The following ALOX15 variants were observed in gnomAD, a reference collection of about 807,000 sequenced individuals.
ALOX15 encodes polyunsaturated fatty acid lipoxygenase ALOX15.
Under a neutral mutation model 71.7 loss-of-function variants are expected in ALOX15, and 68 were observed. That is an observed-to-expected ratio of 0.95 (90% CI 0.78 to 1.16). ALOX15 has a LOEUF of 1.16. ALOX15 is among the 50% of genes most tolerant of loss of function. The pLI is 0.00. For missense variants in ALOX15, 798 were observed against 818.8 expected (o/e 0.97, Z 0.31); for synonymous variants, 346 against 333.3 (o/e 1.04, Z -0.42).
In ALOX15 at chr17:4,633,312, T is replaced by C. The variant is rs757419997; in HGVS notation, c.1252A>G (p.Met418Val). Residue 418 changes from methionine to valine, a missense_variant, in exon 10 of 14, where the codon ATG becomes GTG. Coordinates refer to ENST00000293761, the MANE Select transcript of ALOX15 (RefSeq NM_001140.5). ...ACGTGGCCTCCCCCACCAGTGCTCATTATCTGAGAAGTGAGGGTGAGCAGG... is the reference window on the plus strand; with the variant it reads ...ACGTGGCCTCCCCCACCAGTGCTCACTATCTGAGAAGTGAGGGTGAGCAGG... ...VSDMGIFDQI[M>V]STGGGGHVQL... 7.4e-6 allele frequency: 12 copies of C among 1,613,370 alleles called. No individual in the cohort carries two copies. The Admixed American group carries it at 1.7e-4, about 22-fold the overall frequency.
rs773112523 is a variant in ALOX15, at chr17:4,639,560, G to A, written c.207C>T (p.His69=). 32 of 1,614,010 alleles carry A rather than the reference G, an allele frequency of 2.0e-5. No homozygotes were observed. Among genetic ancestry groups the A allele is most frequent in the Non-Finnish European group, 2.5e-5 (29 of 1,180,034 alleles). Residue 69 remains histidine (H), a synonymous_variant, in exon 2 of 14, where the codon CAC becomes CAT. Transcript: ENST00000293761. The part of the protein sequence containing the change: ...PLLFVKLRKR[H]LLKDDAWFCN... Reference sequence around the variant, plus strand: ...AGAACCAGGCGTCGTCCTTAAGGAGGTGCCGTTTGCGCAGTTTCACAAACA... The same window carrying A: ...AGAACCAGGCGTCGTCCTTAAGGAGATGCCGTTTGCGCAGTTTCACAAACA...
chr17:4,633,249 T>C lies in ALOX15; in HGVS notation c.1315A>G (p.Ser439Gly). Reference sequence around the variant, plus strand: ...AAGTCATCAGGGGGACAGAAGGAGCTGTAGGTTAGGAAGGCTCCAGCTTGC... The same window carrying C: ...AAGTCATCAGGGGGACAGAAGGAGCCGTAGGTTAGGAAGGCTCCAGCTTGC... ...LKQAGAFLTYSSFCPPDDLAD... is the reference protein window; with the variant it reads ...LKQAGAFLTYGSFCPPDDLAD... The change falls in exon 10 of 14, where the codon AGC (serine) becomes GGC (glycine). Residue 439 changes from serine (S) to glycine (G), a missense_variant. Ser to Gly is a moderately conservative substitution (Grantham distance 56, BLOSUM62 0). Transcript: ENST00000293761. 1 of 1,614,176 alleles carries C rather than the reference T, an allele frequency of 6.2e-7. No homozygotes were observed. The highest frequency in any genetic ancestry group is 8.5e-7 in the Non-Finnish European group (1 of 1,180,018).
rs767380104 is a variant in ALOX15 at position 4,633,138 on chromosome 17, T to A, written c.1418+8A>T. On this transcript the variant is annotated splice_region_variant and intron_variant, in intron 10 of 13. Transcript: ENST00000293761. ...TTGCACCCCCACTGGCCTTCCCGCT[T>A]GCCTCACCGATAGATGATTTCCCAG... 7.3e-5 allele frequency: 117 copies of A among 1,612,958 alleles called. No homozygotes were observed. Among genetic ancestry groups the A allele is most frequent in the Non-Finnish European group, 5.7e-5 (67 of 1,179,310 alleles).
Position 4,637,207 on chromosome 17 carries a change from T to C in ALOX15, c.859A>G (p.Asn287Asp). 1 of 1,614,024 alleles carries C rather than the reference T, an allele frequency of 6.2e-7. No individual in the cohort carries two copies. Among genetic ancestry groups the C allele is most frequent in the African/African-American group, 1.3e-5 (1 of 75,050 alleles). ...DFSLLDGIKA[N>D]VILCSQQHLA... is the part of the protein sequence containing the mutation. ...TGCTGCTGGCTACAGAGAATGACGT[T>C]GGCCTTGATCCCATCCAGCAGGGAG... The change falls in exon 7 of 14, where the codon AAC (asparagine) becomes GAC (aspartate). Residue 287 changes from asparagine (N) to aspartate (D), a missense_variant. This residue lies in a region of ALOX15 where 490 missense variants were observed against 509.4 expected (regional missense o/e 0.96). Transcript: ENST00000293761.
rs777173779 is a variant in ALOX15 at position 4,632,040 on chromosome 17, C to T, written c.1658G>A (p.Trp553Ter). 6.2e-7 allele frequency: 1 copy of T among 1,611,916 alleles called. No individual in the cohort carries two copies. The highest frequency in any genetic ancestry group is 1.7e-5 in the Admixed American group (1 of 59,892). Reference protein sequence around the residue: ...VHLGQLDWYSWVPNAPCTMRL... With the variant: ...VHLGQLDWYS ...CATCGTGCAGGGTGCATTAGGCACCCAAGAGTACCAGTCCAGCTAAGGAAG... is the reference window on the plus strand; with the variant it reads ...CATCGTGCAGGGTGCATTAGGCACCTAAGAGTACCAGTCCAGCTAAGGAAG... The change falls in exon 13 of 14, where the codon TGG becomes TAG. Residue 553 changes from tryptophan (W) to a stop codon, truncating the protein, a stop_gained. Coordinates refer to ENST00000293761, the MANE Select transcript of ALOX15 (RefSeq NM_001140.5). LOFTEE classifies it high-confidence loss of function.
chr17:4,639,176 G>T, intron 2 of ALOX15, 44 bp from the exon 3 acceptor site: 2 of 1,606,408 alleles, frequency 1.2e-6, no homozygotes, highest in Non-Finnish European at 1.7e-6. Context: ...TTTGGTGAGC[G>T]CCTCTTCTTG....
chr17:4,638,770 A>G (rs1235102643), intron 4 of ALOX15, 80 bp downstream of exon 4: 1 of 1,612,922 alleles, frequency 6.2e-7, no homozygotes, highest in Non-Finnish European at 8.5e-7. Flanking sequence ...GGGCCAGTCC[A>G]ATGCAGTGCA....
Position 4,639,044 on chromosome 17 carries a change from G to T in ALOX15, c.419+7C>A. On this transcript the variant is annotated splice_region_variant and intron_variant, in intron 3 of 13. Coordinates refer to ENST00000293761, the MANE Select transcript of ALOX15 (RefSeq NM_001140.5). ...AGCTCACGTGGGGTCAGGGGAGGAG[G>T]GCTCACCGGTACAACTTCCTTCTCT... 6.2e-7 allele frequency: 1 copy of T among 1,614,174 alleles called. No homozygotes were observed. Among genetic ancestry groups the T allele is most frequent in the Middle Eastern group, 1.6e-4 (1 of 6,062 alleles).
chr17:4,631,253 T>G lies in ALOX15; in HGVS notation c.*347A>C, dbSNP rs1597428274. The G allele has an allele frequency of 6.5e-5, 14 of 216,538 alleles. No homozygotes were observed. In the South Asian group the frequency reaches 1.5e-3, roughly 23 times the overall value. 13.4% of individuals were successfully genotyped at this position (216,538 alleles called of 1,614,324 possible). A position where few individuals can be genotyped will look rare whatever the true frequency, so the allele number is the denominator to read the frequency against. The stretch of plus-strand genomic sequence containing the variant: ...TCTTAACAACAACAAAAAAATCATA[T>G]TTGATTCATAAAAGGTGTGGAGTAA... On this transcript the variant is annotated 3_prime_UTR_variant, in exon 14 of 14. Coordinates refer to ENST00000293761, the MANE Select transcript of ALOX15 (RefSeq NM_001140.5).
At position 4,633,002 on chromosome 17, in the gene ALOX15, G is replaced by A. The variant is rs149335089; in HGVS notation, c.1419-20C>T. ...ACATACCTACCAACCAACGGAGCAG[G>A]GCCAGGGAGCTGAAGCCAGCTCTGC... is the stretch of plus-strand genomic sequence containing the variant. On this transcript the variant is annotated intron_variant, in intron 10 of 13. Coordinates refer to ENST00000293761, the MANE Select transcript of ALOX15 (RefSeq NM_001140.5). 1 of 1,614,086 alleles carries A rather than the reference G, an allele frequency of 6.2e-7. No individual in the cohort carries two copies. Among genetic ancestry groups the A allele is most frequent in the Non-Finnish European group, 8.5e-7 (1 of 1,180,016 alleles).
In ALOX15 at chr17:4,633,467, T is replaced by A; in HGVS notation, c.1195A>T (p.Ile399Phe). 1 of 1,614,098 alleles carries A rather than the reference T, an allele frequency of 6.2e-7. No homozygotes were observed. Among genetic ancestry groups the A allele is most frequent in the Non-Finnish European group, 8.5e-7 (1 of 1,180,022 alleles). Residue 399 changes from isoleucine (I) to phenylalanine (F), a missense_variant, in exon 9 of 14, where the codon ATT becomes TTT. This residue lies in a region of ALOX15 where 490 missense variants were observed against 509.4 expected (regional missense o/e 0.96). Transcript: ENST00000293761. ...IIPHLRYTLE[I>F]NVRARTGLVS... ...AGCCCAGTCCTGGCCCGGACGTTAA[T>A]TTCCAGGGTGTATCGCAGGTGGGGA...
At chr17:4,639,153 T>G in intron 2 of ALOX15, 21 bp from the exon 3 acceptor site, 1 of 1,613,906 alleles carries the variant, frequency 6.2e-7, no homozygotes, top group Non-Finnish European at 8.5e-7. Context: ...AGAGGAGGAC[T>G]TGGCCAGTGA....
chr17:4,640,033 C>A (rs1219494649), intron 1 of ALOX15, among the ~76,000 whole-genome samples: 5 of 43,540 alleles, frequency 1.1e-4, no homozygotes, highest in African/African-American at 4.5e-4. Context: ...GGCCTGGGGA[C>A]AACCTTCCCG....
intron 8 of ALOX15, among the ~76,000 whole-genome samples, chr17:4,634,319 T>C (rs1361452788): frequency 6.6e-6 from 1 of 152,204 alleles, no homozygotes. Flanking sequence ...TTGTTTTGTT[T>C]TGAGATGGAG....
At position 4,639,098 on chromosome 17, in the gene ALOX15, G is replaced by C; in HGVS notation, c.372C>G (p.Phe124Leu). 1 of 1,614,196 alleles carries C rather than the reference G, an allele frequency of 6.2e-7. No homozygotes were observed. The highest frequency in any genetic ancestry group is 1.1e-5 in the South Asian group (1 of 91,090). Residue 124 changes from phenylalanine (F) to leucine (L), a missense_variant, in exon 3 of 14, where the codon TTC becomes TTG. Coordinates refer to ENST00000293761, the MANE Select transcript of ALOX15 (RefSeq NM_001140.5). ...CCAGCTCTTCTTCCCGGTGTTTCTG[G>C]AACAGGCCCTGAGGGTCCTCGCCCA... The part of the protein sequence containing the change: ...RTVGEDPQGL[F>L]QKHREEELEE...
Position 4,633,452 on chromosome 17 carries a change from T to C in ALOX15, c.1210A>G (p.Arg404Gly), listed in dbSNP as rs149525246. Reference protein sequence around the residue: ...RYTLEINVRARTGLVSDMGIF... With the variant: ...RYTLEINVRAGTGLVSDMGIF... Reference sequence around the variant, plus strand: ...CCCATGTCAGAGACCAGCCCAGTCCTGGCCCGGACGTTAATTTCCAGGGTG... The same window carrying C: ...CCCATGTCAGAGACCAGCCCAGTCCCGGCCCGGACGTTAATTTCCAGGGTG... Residue 404 changes from arginine to glycine, a missense_variant, in exon 9 of 14, where the codon AGG becomes GGG. Arg to Gly is a moderately radical substitution (Grantham distance 125). This residue lies in a region of ALOX15 where 490 missense variants were observed against 509.4 expected (regional missense o/e 0.96). Transcript: ENST00000293761. The C allele has an allele frequency of 4.3e-4, 687 of 1,614,046 alleles. 1 individual carries two copies. Among genetic ancestry groups the C allele is most frequent in the Non-Finnish European group, 5.5e-4 (652 of 1,180,032 alleles).
In ALOX15 at chr17:4,639,445, G is replaced by A. The variant is rs1402866778; in HGVS notation, c.322C>T (p.Leu108=). Residue 108 remains leucine (L), a synonymous_variant, in exon 2 of 14, where the codon CTG becomes TTG. Coordinates refer to ENST00000293761, the MANE Select transcript of ALOX15 (RefSeq NM_001140.5). The part of the protein sequence containing the change: ...RWVEGNGVLS[L]PEGTGRTVGE... ...CCGCGCTTACCGGTGCCTTCAGGCA[G>A]GCTCAGGACGCCGTTGCCCTCCACC... is the stretch of plus-strand genomic sequence containing the variant. 2 of 1,613,458 alleles carry A rather than the reference G, an allele frequency of 1.2e-6. No homozygotes were observed. Among genetic ancestry groups the A allele is most frequent in the Admixed American group, 1.7e-5 (1 of 60,002 alleles).
chr17:4,637,781 G>A (rs1335336735), intron 6 of ALOX15, among the ~76,000 whole-genome samples: 1 of 152,012 alleles, frequency 6.6e-6, no homozygotes, highest in African/African-American at 2.4e-5. Context: ...AGAGAGGTTG[G>A]GTATTTTGCC....
intron 2 of ALOX15, 122 bp downstream of exon 2, chr17:4,639,308 C>T: frequency 7.0e-7 from 1 of 1,422,244 alleles, no homozygotes; most frequent in East Asian, 2.3e-5. Context: ...CTTCGACACC[C>T]CCAAAGACCC....
Sources: allele counts gnomAD v4.1 joint callset (sites outside exome capture counted in the v4.1 genomes callset), GRCh38; gene constraint gnomAD v4.1.1; regional missense constraint gnomAD v4.1.1; transcripts MANE v1.5; gene names NCBI Gene and HGNC (gene_info 2026-07-23, HGNC 2026-07-21).